Variants in SASH1 observed in about 807,000 individuals in gnomAD.
SASH1 encodes SAM and SH3 domain-containing protein 1.
In SASH1, 44 loss-of-function variants were observed where a neutral mutation model predicts 125.2. The observed-to-expected ratio is 0.35, with a 90% confidence interval of 0.28 to 0.45. The LOEUF is 0.45. Among genes scored for constraint, SASH1 ranks in the 20% least tolerant of loss-of-function variants. The probability of loss-of-function intolerance (pLI) is 1.00; values close to 1 mark genes in which losing one functional copy is unlikely to be tolerated. For missense variants in SASH1, 1,426 were observed against 1,614.5 expected, an observed-to-expected ratio of 0.88 and a Z score of 2.00; for synonymous variants, 639 against 649.1, an observed-to-expected ratio of 0.98 and a Z score of 0.24.
Position 148,376,085 on chromosome 6 carries a change from G to A in SASH1, c.157-14049G>A, listed in dbSNP as rs935296243. Reference sequence around the variant, plus strand: ...TTCTTTCTGATTTTGTTTTTGATTTGAGACAGTCTTGCTCTGTCACCCAGG... The same window carrying A: ...TTCTTTCTGATTTTGTTTTTGATTTAAGACAGTCTTGCTCTGTCACCCAGG... On this transcript the variant is annotated intron_variant, in intron 1 of 19. Coordinates refer to ENST00000367467, the MANE Select transcript of SASH1 (RefSeq NM_015278.5). 6.6e-5 allele frequency among the ~76,000 whole-genome samples: 10 copies of A among 152,072 alleles called. No homozygotes were observed. The East Asian group carries it at 9.6e-4, about 15-fold the overall frequency.
chr6:148,394,701 T>C (rs536234407), intron 2 of SASH1, among the ~76,000 whole-genome samples: 11 of 152,100 alleles, frequency 7.2e-5, no homozygotes, highest in Non-Finnish European at 1.3e-4. Context: ...CTGGTGTGCA[T>C]TGGCGCAATC....
At chr6:148,353,435 A>ATTTTTTT (rs377513066) in intron 1 of SASH1, among the ~76,000 whole-genome samples, 22 of 108,796 alleles carry the variant, frequency 2.0e-4, no homozygotes, top group South Asian at 6.3e-4. Flanking sequence ...TTTAAGATTG[A>ATTTTTTT]TTTTTTTTTT....
intron 1 of SASH1, among the ~76,000 whole-genome samples, chr6:148,314,391 G>A (rs1285296022): frequency 6.6e-6 from 1 of 152,136 alleles, no homozygotes; most frequent in Non-Finnish European, 1.5e-5. Flanking sequence ...ACTGTATCAG[G>A]TTCCCTTCAA....
intron 2 of SASH1, among the ~76,000 whole-genome samples, chr6:148,426,213 A>AAAAT (rs34907635): frequency 0.14 from 20,594 of 151,454 alleles, 1,547 homozygotes; most frequent in South Asian, 0.3. Flanking sequence ...ACTCCATCTC[A>AAAAT]AAATAAATAA....
At chr6:148,254,526 A>C in the SASH1 span, among the ~76,000 whole-genome samples, 2 of 152,188 alleles carry the variant, frequency 1.3e-5, no homozygotes, top group African/African-American at 2.4e-5. Context: ...CCCATTAAAA[A>C]ATAAGCCAAA....
At chr6:148,410,127 T>TC (rs1784560673) in intron 2 of SASH1, among the ~76,000 whole-genome samples, 1 of 93,920 alleles carries the variant, frequency 1.1e-5, no homozygotes, top group African/African-American at 3.9e-5. Context: ...TTTTTTTTTT[T>TC]TGAGACAGAG....
intron 2 of SASH1, among the ~76,000 whole-genome samples, chr6:148,421,645 G>A (rs988837830): frequency 3.3e-5 from 5 of 152,150 alleles, no homozygotes; most frequent in African/African-American, 4.8e-5. Flanking sequence ...CTGAAAAGTA[G>A]GAACATTTGA....
chr6:148,449,882 C>T (rs1315496720), intron 4 of SASH1, among the ~76,000 whole-genome samples: 1 of 152,042 alleles, frequency 6.6e-6, no homozygotes, highest in East Asian at 1.9e-4. Context: ...TTATAACAGC[C>T]CACTCTCTCA....
chr6:148,358,621 A>G (rs572142120), intron 1 of SASH1, among the ~76,000 whole-genome samples: 14 of 151,988 alleles, frequency 9.2e-5, no homozygotes, highest in Admixed American at 2.6e-4. Flanking sequence ...ACTCTTAACT[A>G]TCTTTTAAAA....
At chr6:148,488,360 T>G (rs765122948) in intron 8 of SASH1, among the ~76,000 whole-genome samples, 58 of 152,272 alleles carry the variant, frequency 3.8e-4, no homozygotes, top group Non-Finnish European at 5.9e-4. Context: ...CCACTCTATG[T>G]GTATACCACA....
chr6:148,492,835 A>G (rs13209196), intron 8 of SASH1, among the ~76,000 whole-genome samples: 18,779 of 87,554 alleles, frequency 0.21, 1,443 homozygotes, highest in African/African-American at 0.36. Flanking sequence ...AATATAAATA[A>G]ATAAATAAAT....
At chr6:148,258,176 C>G in the SASH1 span, among the ~76,000 whole-genome samples, 1 of 152,018 alleles carries the variant, frequency 6.6e-6, no homozygotes, top group Non-Finnish European at 1.5e-5. Flanking sequence ...ACCTTAGGCT[C>G]CCGAGGAATT....
chr6:148,342,989 A>C lies in SASH1; in HGVS notation c.-79A>C, dbSNP rs1413154188. 1.9e-6 allele frequency: 2 copies of C among 1,051,616 alleles called. No individual in the cohort carries two copies. Among genetic ancestry groups the C allele is most frequent in the African/African-American group, 1.7e-5 (1 of 58,436 alleles). 65.1% of individuals were successfully genotyped at this position (1,051,616 alleles called of 1,614,324 possible). ...GTGACGCCGCGGGCGGGGACCCGGCATCCGGGCAGGCTGCGCGCGGGTGCG... is the reference window on the plus strand; with the variant it reads ...GTGACGCCGCGGGCGGGGACCCGGCCTCCGGGCAGGCTGCGCGCGGGTGCG... On this transcript the variant is annotated 5_prime_UTR_variant, in exon 1 of 20. Transcript: ENST00000367467.
At chr6:148,449,195 G>A (rs35025485) in intron 4 of SASH1, among the ~76,000 whole-genome samples, 6,696 of 148,836 alleles carry the variant, frequency 0.045, 195 homozygotes, top group Non-Finnish European at 0.066. Context: ...TCAGCCTCTC[G>A]AGTAGCTGGG....
In SASH1 at chr6:148,529,478, G is replaced by A. The variant is rs1583308407; in HGVS notation, c.1428+1882G>A. On this transcript the variant is annotated intron_variant, in intron 12 of 19. Coordinates refer to ENST00000367467, the MANE Select transcript of SASH1 (RefSeq NM_015278.5). This position sits in a 1 kb window ranked among gnomAD's most constrained non-coding sequence, Gnocchi z 4.2. ...TGATTCTATATTTCTTCCCAGCAAT[G>A]AAGCAGTCAGCATGCTAGTGAGAGC... Among the ~76,000 whole-genome samples, 1 of 152,258 alleles carries A rather than the reference G, an allele frequency of 6.6e-6. No homozygotes were observed. Among genetic ancestry groups the A allele is most frequent in the Non-Finnish European group, 1.5e-5 (1 of 68,024 alleles).
rs1190223580 is a variant in SASH1, at chr6:148,520,004, G to A, written c.1209+111G>A. 13 of 708,452 alleles carry A rather than the reference G, an allele frequency of 1.8e-5. No homozygotes were observed. The East Asian group carries it at 1.9e-4, about 10-fold the overall frequency. 43.9% of individuals were successfully genotyped at this position (708,452 alleles called of 1,614,324 possible). On this transcript the variant is annotated intron_variant, in intron 10 of 19. Transcript: ENST00000367467. ...GGAAGCAAATCCGCTTGAAGAAAACGGATACTAATTATTCCTGTTCCAGAG... is the reference window on the plus strand; with the variant it reads ...GGAAGCAAATCCGCTTGAAGAAAACAGATACTAATTATTCCTGTTCCAGAG...
chr6:148,337,466 C>A (rs773591044), intron 1 of SASH1, among the ~76,000 whole-genome samples: 2 of 152,066 alleles, frequency 1.3e-5, no homozygotes, highest in South Asian at 2.1e-4. Flanking sequence ...CCTCGTGATC[C>A]GCCCACCTCG....
In SASH1 at chr6:148,445,312, G is replaced by A. The variant is rs148221318; in HGVS notation, c.386+4905G>A. 3.9e-4 allele frequency among the ~76,000 whole-genome samples: 60 copies of A among 152,270 alleles called. 1 individual carries two copies. In the East Asian group the frequency reaches 0.011, roughly 28 times the overall value. ...CTTATTTTACCCAGCCCCAGTTCAA[G>A]GTGGAGACGCTCTGGTTCAAATGCC... On this transcript the variant is annotated intron_variant, in intron 4 of 19. Coordinates refer to ENST00000367467, the MANE Select transcript of SASH1 (RefSeq NM_015278.5).
chr6:148,477,361 A>T (rs1382575382), intron 7 of SASH1, among the ~76,000 whole-genome samples: 1 of 152,230 alleles, frequency 6.6e-6, no homozygotes, highest in African/African-American at 2.4e-5. Flanking sequence ...CAAACAACTC[A>T]ATAGGAAAAA....
Sources: allele counts gnomAD v4.1 joint callset (sites outside exome capture counted in the v4.1 genomes callset), GRCh38; gene constraint gnomAD v4.1.1; non-coding constraint Gnocchi (gnomAD v3.1); transcripts MANE v1.5; gene names NCBI Gene and HGNC (gene_info 2026-07-23, HGNC 2026-07-21).